SLC28A3: variants seen among roughly 807,000 people sequenced by gnomAD.
SLC28A3 encodes concentrative Na(+)-nucleoside cotransporter 3.
In SLC28A3, 68 loss-of-function variants were observed where a neutral mutation model predicts 84.2. The observed-to-expected ratio is 0.81, with a 90% CI of 0.66 to 0.99. The LOEUF (loss-of-function observed/expected upper bound fraction) is 0.99. SLC28A3 is among the 50% of genes least tolerant of loss of function. The pLI is 0.00. For synonymous variants in SLC28A3, 267 were observed against 303.6 expected (o/e 0.88, Z 1.25); for missense variants, 712 against 841.5 (o/e 0.85, Z 1.90).
At chr9:84,309,548 AGAAAT>A in intron 3 of SLC28A3, 76 bp downstream of exon 3, 1 of 726,258 alleles carries the variant, frequency 1.4e-6, no homozygotes, top group Non-Finnish European at 2.1e-6. Context: ...AAAAAAAAAA[AGAAAT>A]CAAATGGGGA....
chr9:84,330,093 T>C (rs993702221), intron 1 of SLC28A3, among the ~76,000 whole-genome samples: 9 of 150,896 alleles, frequency 6.0e-5, no homozygotes, highest in African/African-American at 2.2e-4. Context: ...TGGAGACAAA[T>C]GAAATATAGA....
the SLC28A3 span, among the ~76,000 whole-genome samples, chr9:84,346,893 G>A: frequency 1.1e-4 from 16 of 152,066 alleles, no homozygotes; most frequent in Admixed American, 2.6e-4. Flanking sequence ...TCTTGGGAAG[G>A]GCAGGGCACA....
At chr9:84,313,481 A>C (rs773694507) in intron 1 of SLC28A3, 27 bp from the exon 2 acceptor site, 8 of 1,591,276 alleles carry the variant, frequency 5.0e-6, no homozygotes, top group Non-Finnish European at 6.9e-6. Context: ...GATTGAAAAA[A>C]TAAAAAGTTA....
chr9:84,302,050 A>C, intron 5 of SLC28A3, 150 bp downstream of exon 5: 1 of 685,238 alleles, frequency 1.5e-6, no homozygotes, highest in Non-Finnish European at 2.4e-6. Context: ...CTGTTTGTAA[A>C]ATGAAGACAT....
intron 14 of SLC28A3, among the ~76,000 whole-genome samples, chr9:84,283,507 C>T (rs1824849789): frequency 1.3e-5 from 2 of 152,216 alleles, no homozygotes; most frequent in Admixed American, 6.5e-5. Flanking sequence ...AGGTTAAAAA[C>T]AGTGAGTATA....
intron 1 of SLC28A3, among the ~76,000 whole-genome samples, chr9:84,321,822 T>A (rs1588613600): frequency 6.8e-6 from 1 of 146,302 alleles, no homozygotes; most frequent in South Asian, 2.2e-4. Flanking sequence ...GAGGCTGAGG[T>A]GGGTGGATCA....
chr9:84,313,790 G>A (rs1448987202), intron 1 of SLC28A3, among the ~76,000 whole-genome samples: 1 of 151,542 alleles, frequency 6.6e-6, no homozygotes, highest in Non-Finnish European at 1.5e-5. Flanking sequence ...GGGAGGCTGA[G>A]GTAGGAGAAT....
intron 1 of SLC28A3, among the ~76,000 whole-genome samples, chr9:84,335,238 A>C (rs540082588): frequency 1.3e-5 from 2 of 152,110 alleles, no homozygotes; most frequent in Admixed American, 6.6e-5. Flanking sequence ...TTATTCCTAG[A>C]TTTTCTACCT....
chr9:84,349,958 A>T, the SLC28A3 span, among the ~76,000 whole-genome samples: 2 of 152,226 alleles, frequency 1.3e-5, no homozygotes, highest in Non-Finnish European at 1.5e-5. Flanking sequence ...TCATGCAAAC[A>T]TCACAGAGTG....
intron 2 of SLC28A3, among the ~76,000 whole-genome samples, chr9:84,310,172 T>C (rs1481450269): frequency 6.6e-6 from 1 of 152,202 alleles, no homozygotes; most frequent in East Asian, 1.9e-4. Context: ...GGTCTGTGAA[T>C]ATGAACACTA....
chr9:84,327,464 T>C (rs1382214573), intron 1 of SLC28A3, among the ~76,000 whole-genome samples: 1 of 151,888 alleles, frequency 6.6e-6, no homozygotes, highest in Non-Finnish European at 1.5e-5. Context: ...TAAATTATCC[T>C]AGTTCTGTTT....
intron 14 of SLC28A3, among the ~76,000 whole-genome samples, chr9:84,281,619 A>AT: frequency 6.6e-6 from 1 of 152,324 alleles, no homozygotes; most frequent in South Asian, 2.1e-4. Context: ...TGACCCAGCA[A>AT]TTTTTCTAGG....
At chr9:84,362,586 C>G in the SLC28A3 span, among the ~76,000 whole-genome samples, 1 of 151,454 alleles carries the variant, frequency 6.6e-6, no homozygotes. Context: ...GAGCCGAGAT[C>G]GGGCCACTGC....
chr9:84,286,126 A>C lies in SLC28A3; in HGVS notation c.1281-15T>G. 1 of 1,611,718 alleles carries C rather than the reference A, an allele frequency of 6.2e-7. No individual in the cohort carries two copies. Among genetic ancestry groups the C allele is most frequent in the Non-Finnish European group, 8.5e-7 (1 of 1,178,520 alleles). ...TCCCTGAATCACTTTATCAAGAAAT[A>C]GCAATTCCAGAATTACCAAGGAGTT... On this transcript the variant is annotated splice_polypyrimidine_tract_variant and intron_variant, in intron 12 of 17. Coordinates refer to ENST00000376238, the MANE Select transcript of SLC28A3 (RefSeq NM_001199633.2).
chr9:84,365,925 C>T, the SLC28A3 span, among the ~76,000 whole-genome samples: 1 of 152,160 alleles, frequency 6.6e-6, no homozygotes, highest in Non-Finnish European at 1.5e-5. Flanking sequence ...TGGCACATGC[C>T]TGTAATCCCA....
chr9:84,320,707 C>T (rs1826346225), intron 1 of SLC28A3, among the ~76,000 whole-genome samples: 1 of 151,952 alleles, frequency 6.6e-6, no homozygotes, highest in Non-Finnish European at 1.5e-5. Context: ...GAAAAGTTGT[C>T]GGCTGGGCGC....
chr9:84,342,878 C>T (rs1007697981), upstream of SLC28A3, among the ~76,000 whole-genome samples: 35 of 152,160 alleles, frequency 2.3e-4, no homozygotes, highest in African/African-American at 7.0e-4. Flanking sequence ...AAACAATTGC[C>T]CCTGGCCAGG....
At chr9:84,318,559 T>C (rs1826250739) in intron 1 of SLC28A3, among the ~76,000 whole-genome samples, 1 of 152,150 alleles carries the variant, frequency 6.6e-6, no homozygotes, top group Non-Finnish European at 1.5e-5. Context: ...AGTTTAAACA[T>C]GTGAGTCCTC....
chr9:84,293,252 A>C (rs986907014), intron 9 of SLC28A3, among the ~76,000 whole-genome samples: 1 of 152,208 alleles, frequency 6.6e-6, no homozygotes, highest in African/African-American at 2.4e-5. Flanking sequence ...TTTTTACTTA[A>C]TTGAAATGAA....
Sources: allele counts gnomAD v4.1 joint callset (sites outside exome capture counted in the v4.1 genomes callset), GRCh38; gene constraint gnomAD v4.1.1; transcripts MANE v1.5; gene names NCBI Gene and HGNC (gene_info 2026-07-23, HGNC 2026-07-21).